Variants in COBLL1 observed in about 807,000 individuals in gnomAD.
The protein encoded by COBLL1 is cordon-bleu protein-like 1.
COBLL1 carries 50 observed loss-of-function variants against 94.8 expected under a neutral mutation model. The observed-to-expected ratio is 0.53, with a 90% confidence interval of 0.42 to 0.67. The LOEUF (loss-of-function observed/expected upper bound fraction) is 0.67. Ranked by LOEUF, COBLL1 falls within the 30% of genes least tolerant of loss-of-function variation. The pLI is 0.00. For synonymous variants in COBLL1, 448 were observed against 473.8 expected (o/e 0.95, Z 0.71); for missense variants, 1,362 against 1,348.7 (o/e 1.01, Z -0.15).
chr2:164,831,907 C>G (rs541609138), intron 2 of COBLL1, among the ~76,000 whole-genome samples: 1 of 152,282 alleles, frequency 6.6e-6, no homozygotes, highest in South Asian at 2.1e-4. Flanking sequence ...TTCAATGACT[C>G]CTGTAATTAT....
chr2:164,797,471 T>C (rs930733035), intron 2 of COBLL1, among the ~76,000 whole-genome samples: 2 of 152,106 alleles, frequency 1.3e-5, no homozygotes, highest in East Asian at 1.9e-4. Context: ...ATCAACTGTA[T>C]ATAAGACAGA....
At chr2:164,815,660 A>G (rs899942569) in intron 2 of COBLL1, among the ~76,000 whole-genome samples, 7 of 152,306 alleles carry the variant, frequency 4.6e-5, no homozygotes, top group African/African-American at 1.4e-4. Flanking sequence ...AAGAATATCA[A>G]TAAATCATTA....
chr2:164,726,432 T>C (rs1420303673), intron 5 of COBLL1, among the ~76,000 whole-genome samples: 1 of 152,116 alleles, frequency 6.6e-6, no homozygotes, highest in Non-Finnish European at 1.5e-5. Flanking sequence ...CAATTTATTA[T>C]TGGGCAATTT....
At chr2:164,797,846 A>G (rs2123922) in intron 2 of COBLL1, among the ~76,000 whole-genome samples, 54,258 of 152,156 alleles carry the variant, frequency 0.36, 9,900 homozygotes, top group Admixed American at 0.41. Flanking sequence ...ATACAAGAAC[A>G]AGTAATAGCA....
chr2:164,734,370 A>C (rs564862529), intron 3 of COBLL1, among the ~76,000 whole-genome samples: 1 of 152,330 alleles, frequency 6.6e-6, no homozygotes, highest in East Asian at 1.9e-4. Flanking sequence ...TGTTTAAAGA[A>C]AAACAGAAAC....
At chr2:164,707,430 C>T (rs1026462533) in intron 7 of COBLL1, among the ~76,000 whole-genome samples, 1 of 152,128 alleles carries the variant, frequency 6.6e-6, no homozygotes, top group African/African-American at 2.4e-5. Context: ...CATGAGCTAC[C>T]ATACCCGGTC....
At chr2:164,679,590 T>C (rs1379435129), downstream of COBLL1, among the ~76,000 whole-genome samples, 1 of 152,066 alleles carries the variant, frequency 6.6e-6, no homozygotes, top group Non-Finnish European at 1.5e-5. Context: ...GATAAAAATC[T>C]ACCTCAAGGG....
intron 2 of COBLL1, among the ~76,000 whole-genome samples, chr2:164,775,309 C>G (rs1291507101): frequency 2.0e-5 from 3 of 152,262 alleles, no homozygotes; most frequent in East Asian, 3.9e-4. Context: ...TATTGAAGAA[C>G]AGCATTCTTC....
intron 5 of COBLL1, among the ~76,000 whole-genome samples, chr2:164,726,951 A>G (rs2105511964): frequency 6.6e-6 from 1 of 152,216 alleles, no homozygotes; most frequent in African/African-American, 2.4e-5. Flanking sequence ...GAACCTATAC[A>G]TTTTTCAAGG....
intron 2 of COBLL1, chr2:164,779,621 C>T (rs199537887): frequency 1.7e-5 from 8 of 469,586 alleles, no homozygotes; most frequent in South Asian, 1.1e-4. Flanking sequence ...TTCCCAGCCT[C>T]CCACAGATTC....
intron 3 of COBLL1, among the ~76,000 whole-genome samples, chr2:164,733,174 A>G (rs906653977): frequency 6.6e-6 from 1 of 152,248 alleles, no homozygotes. Context: ...CATTTAAAAT[A>G]CATTTTTGAT....
At chr2:164,701,085 A>G (rs1684230061) in intron 9 of COBLL1, among the ~76,000 whole-genome samples, 1 of 152,234 alleles carries the variant, frequency 6.6e-6, no homozygotes, top group South Asian at 2.1e-4. Context: ...CTCATCCAGC[A>G]ACTCAATAGT....
At chr2:164,817,938 AAT>A (rs1684859312) in intron 2 of COBLL1, among the ~76,000 whole-genome samples, 1 of 152,136 alleles carries the variant, frequency 6.6e-6, no homozygotes, top group African/African-American at 2.4e-5. Flanking sequence ...ATAATTTATC[AAT>A]ATGTTGAACA....
rs922547889 is a variant in COBLL1, at chr2:164,692,653, T to A, written c.3124-256A>T. The A allele has an allele frequency of 6.0e-5, 18 of 299,664 alleles. No individual in the cohort carries two copies. The South Asian group carries it at 7.7e-4, about 13-fold the overall frequency. 18.6% of individuals were successfully genotyped at this position (299,664 alleles called of 1,614,324 possible). A position where few individuals can be genotyped will look rare whatever the true frequency, so the allele number is the denominator to read the frequency against. On this transcript the variant is annotated intron_variant, in intron 12 of 13. Transcript: ENST00000652658. ...ACCACTCTTTGCTTCATAAATACAG[T>A]GGTAATTTTATTGTTCTTGAGTTAA...
chr2:164,776,658 C>T (rs1416597036), intron 2 of COBLL1, among the ~76,000 whole-genome samples: 1 of 152,012 alleles, frequency 6.6e-6, no homozygotes, highest in Non-Finnish European at 1.5e-5. Context: ...GAAGAGACAC[C>T]TTCTCAGTCT....
chr2:164,758,046 A>T (rs981972815), intron 2 of COBLL1, among the ~76,000 whole-genome samples: 3 of 152,236 alleles, frequency 2.0e-5, no homozygotes, highest in African/African-American at 7.2e-5. Context: ...AGGAGATATA[A>T]AATTAATGTA....
intron 2 of COBLL1, among the ~76,000 whole-genome samples, chr2:164,758,178 A>C (rs1276297839): frequency 6.6e-6 from 1 of 152,160 alleles, no homozygotes; most frequent in Non-Finnish European, 1.5e-5. Flanking sequence ...AATTGTGAGC[A>C]GATTAAAGAA....
In COBLL1 at chr2:164,728,227, C is replaced by T. The variant is rs574741119; in HGVS notation, c.433-30G>A. The T allele has an allele frequency of 4.0e-5, 56 of 1,387,146 alleles. 1 individual carries two copies. In the South Asian group the frequency reaches 6.2e-4, roughly 15 times the overall value. The allele number at this position is 1,387,146 out of a possible 1,614,324, so 85.9% of individuals were successfully genotyped here. On this transcript the variant is annotated intron_variant, in intron 4 of 13. Coordinates refer to ENST00000652658, the MANE Select transcript of COBLL1 (RefSeq NM_001365672.2). The stretch of plus-strand genomic sequence containing the variant: ...AACACATATTAAAGCCATAGTTGTA[C>T]CATAATTCACTGAAACAAACACTCT...
At chr2:164,750,821 C>A (rs1033559118) in intron 2 of COBLL1, among the ~76,000 whole-genome samples, 6 of 152,124 alleles carry the variant, frequency 3.9e-5, no homozygotes, top group African/African-American at 1.4e-4. Context: ...GGCTGCCGCA[C>A]CCCTGAGACA....
Sources: allele counts gnomAD v4.1 joint callset (sites outside exome capture counted in the v4.1 genomes callset), GRCh38; gene constraint gnomAD v4.1.1; transcripts MANE v1.5; gene names NCBI Gene and HGNC (gene_info 2026-07-23, HGNC 2026-07-21).